Variants in RAB27A observed in about 807,000 individuals in gnomAD.
RAB27A encodes the protein RAB27A, member RAS oncogene family, also known as ras-related protein Rab-27A.
A neutral mutation model predicts 20.8 loss-of-function variants in RAB27A; 17 were observed. The observed-to-expected ratio is 0.82, with a 90% confidence interval of 0.56 to 1.23. The LOEUF is 1.23. RAB27A is among the 50% of genes most tolerant of loss of function. RAB27A has a pLI of 0.00. For missense variants in RAB27A, 277 were observed against 266.7 expected (o/e 1.04, Z -0.27); for synonymous variants, 85 against 92.8 (o/e 0.92, Z 0.48).
At chr15:55,254,550 A>G (rs1333266825) in intron 2 of RAB27A, among the ~76,000 whole-genome samples, 1 of 152,170 alleles carries the variant, frequency 6.6e-6, no homozygotes, top group Admixed American at 6.5e-5. Flanking sequence ...TAAGCATTTT[A>G]GATATACATT....
intron 2 of RAB27A, among the ~76,000 whole-genome samples, chr15:55,258,951 A>G (rs565738538): frequency 2.0e-5 from 3 of 152,154 alleles, no homozygotes; most frequent in South Asian, 2.1e-4. Context: ...CAGCCTCCCA[A>G]GTAGCTGGGG....
intron 1 of RAB27A, among the ~76,000 whole-genome samples, chr15:55,275,943 A>C (rs1204334204): frequency 5.5e-5 from 8 of 145,266 alleles, no homozygotes; most frequent in African/African-American, 1.3e-4. Context: ...AAAAAAAACA[A>C]GAGATAAGTG....
chr15:55,267,698 T>C (rs985004723), intron 2 of RAB27A, among the ~76,000 whole-genome samples: 1 of 152,026 alleles, frequency 6.6e-6, no homozygotes, highest in Non-Finnish European at 1.5e-5. Flanking sequence ...AAAGGAATAA[T>C]AGCAAAAGAT....
At chr15:55,303,056 G>A (rs2054980404) in intron 2 of RAB27A, among the ~76,000 whole-genome samples, 1 of 146,338 alleles carries the variant, frequency 6.8e-6, no homozygotes, top group Non-Finnish European at 1.5e-5. Context: ...CCCCCGCCCG[G>A]CCAGCCGCGC....
At chr15:55,313,309 G>A (rs971597610) in intron 2 of RAB27A, among the ~76,000 whole-genome samples, 2 of 152,072 alleles carry the variant, frequency 1.3e-5, no homozygotes, top group Admixed American at 6.5e-5. Flanking sequence ...TCGATGAGAC[G>A]AGCGGAATCA....
intron 2 of RAB27A, among the ~76,000 whole-genome samples, chr15:55,267,438 C>G (rs1370191719): frequency 1.3e-5 from 2 of 152,090 alleles, no homozygotes; most frequent in Non-Finnish European, 2.9e-5. Flanking sequence ...CATCCATCAC[C>G]CACTTCCCCT....
chr15:55,251,411 C>T (rs1364301886), intron 2 of RAB27A, among the ~76,000 whole-genome samples: 1 of 152,140 alleles, frequency 6.6e-6, no homozygotes, highest in Non-Finnish European at 1.5e-5. Flanking sequence ...ACCAAAGAAG[C>T]AGCATCGACC....
chr15:55,310,408 C>T (rs1345266606), intron 2 of RAB27A, among the ~76,000 whole-genome samples: 1 of 152,210 alleles, frequency 6.6e-6, no homozygotes, highest in Non-Finnish European at 1.5e-5. Flanking sequence ...GCTGGATCAT[C>T]TGGCTAGTGG....
intron 3 of RAB27A, among the ~76,000 whole-genome samples, chr15:55,233,330 A>G (rs965375419): frequency 1.3e-5 from 2 of 152,178 alleles, no homozygotes; most frequent in African/African-American, 2.4e-5. Context: ...AAAAATTAAG[A>G]TAATTGTAAT....
rs201626591 is a variant in RAB27A at position 55,295,730 on chromosome 15, G to A, written c.-112+18309C>T. ...GAGGTGTTGACTGCTTATTGCACAC[G>A]AGGTTTCCTTCTGAGGTGATGAAAC... On this transcript the variant is annotated intron_variant, in intron 2 of 5. Coordinates refer to the RAB27A transcript ENST00000563262. Among the ~76,000 whole-genome samples the A allele has an allele frequency of 7.2e-5, 11 of 152,184 alleles. No individual in the cohort carries two copies. In the East Asian group the frequency reaches 1.9e-3, roughly 27 times the overall value.
At position 55,253,133 on chromosome 15, in the gene RAB27A, G is replaced by GA. The variant is rs778165953; in HGVS notation, c.-23+17031dup. Reference sequence around the variant, plus strand: ...GGTGACAGAGCAAGACTCTGTCTCTGAAAAAAAAAAAAAGAAAGAAAGGCT... The same window carrying GA: ...GGTGACAGAGCAAGACTCTGTCTCTGAAAAAAAAAAAAAAGAAAGAAAGGCT... On this transcript the variant is annotated intron_variant, in intron 2 of 6. Transcript: ENST00000336787. Among the ~76,000 whole-genome samples, 444 of 112,166 alleles carry GA rather than the reference G, an allele frequency of 4.0e-3. 1 individual carries two copies. The highest frequency in any genetic ancestry group is 9.6e-3 in the African/African-American group (281 of 29,258). The allele number at this position is 112,166 out of a possible 152,430, so 73.6% of individuals were successfully genotyped here.
At chr15:55,305,419 C>T (rs1056560584) in intron 2 of RAB27A, among the ~76,000 whole-genome samples, 2 of 152,128 alleles carry the variant, frequency 1.3e-5, no homozygotes, top group Non-Finnish European at 2.9e-5. Flanking sequence ...ATCTGGGGCT[C>T]CATTTGAAGA....
At chr15:55,267,273 G>A (rs148565621) in intron 2 of RAB27A, among the ~76,000 whole-genome samples, 1 of 152,322 alleles carries the variant, frequency 6.6e-6, no homozygotes, top group African/African-American at 2.4e-5. Flanking sequence ...AAGGAGGCCT[G>A]ATAGGGTATG....
intron 2 of RAB27A, among the ~76,000 whole-genome samples, chr15:55,265,219 C>T (rs920936160): frequency 6.6e-6 from 1 of 151,750 alleles, no homozygotes; most frequent in African/African-American, 2.4e-5. Context: ...CCAGCCTGGG[C>T]GACAAGAGTA....
At chr15:55,213,765 G>A (rs984414755) in intron 6 of RAB27A, among the ~76,000 whole-genome samples, 1 of 152,190 alleles carries the variant, frequency 6.6e-6, no homozygotes, top group African/African-American at 2.4e-5. Context: ...ACCCCCAGAT[G>A]GGACTGTCCA....
chr15:55,208,064 G>C (rs1250509556), intron 6 of RAB27A, among the ~76,000 whole-genome samples: 1 of 152,138 alleles, frequency 6.6e-6, no homozygotes. Context: ...ACGTGGCATC[G>C]TCTAATGGAA....
intron 1 of RAB27A, among the ~76,000 whole-genome samples, chr15:55,271,601 C>A (rs940239839): frequency 2.0e-5 from 3 of 152,244 alleles, no homozygotes; most frequent in African/African-American, 7.2e-5. Context: ...ATGGTCACCC[C>A]TGTATGCTAA....
At chr15:55,212,130 G>A (rs1895057700) in intron 6 of RAB27A, among the ~76,000 whole-genome samples, 1 of 152,002 alleles carries the variant, frequency 6.6e-6, no homozygotes, top group Non-Finnish European at 1.5e-5. Context: ...CCAATACTAT[G>A]TGTCTTACAT....
chr15:55,308,300 C>A (rs1188993041), intron 2 of RAB27A, among the ~76,000 whole-genome samples: 1 of 152,176 alleles, frequency 6.6e-6, no homozygotes, highest in Non-Finnish European at 1.5e-5. Flanking sequence ...GGTGTTCCCT[C>A]AGAAATTAGG....
Sources: gnomAD v4.1 joint callset for allele counts (sites outside exome capture counted in the v4.1 genomes callset) on GRCh38, gnomAD v4.1.1 for gene constraint, MANE v1.5 for transcripts, NCBI Gene and HGNC (gene_info 2026-07-23, HGNC 2026-07-21) for gene names.